The following PCDHA5 variants were observed in gnomAD, a reference collection of about 807,000 sequenced individuals.
PCDHA5 encodes protocadherin alpha-5.
PCDHA5 carries 43 observed loss-of-function variants against 61.6 expected under a neutral mutation model. The ratio of observed to expected loss-of-function variants is 0.70; its 90% CI spans 0.55 to 0.90. PCDHA5 has a LOEUF of 0.90. Ranked by LOEUF, PCDHA5 falls within the 40% of genes least tolerant of loss-of-function variation. The pLI is 0.00. For missense variants in PCDHA5, 1,298 were observed against 1,222.7 expected (o/e 1.06, Z -0.92); for synonymous variants, 627 against 543.9 (o/e 1.15, Z -2.13).
chr5:140,869,144 T>A, intron 1 of PCDHA5: 1 of 1,613,654 alleles, frequency 6.2e-7, no homozygotes, highest in Non-Finnish European at 8.5e-7. Context: ...ACCCCACGAC[T>A]ACAGCTCTGG....
rs1554129608 is a variant in PCDHA5, at chr5:140,823,796, C to G, written c.2021C>G (p.Ala674Gly). ...VLVSLVESGQ[A>G]PKASSRASAG... ...GTGTCGCTGGTGGAAAGTGGCCAGG[C>G]GCCGAAGGCCTCATCGCGGGCGTCG... The change falls in exon 1 of 4, where the codon GCG becomes GGG. Residue 674 changes from alanine to glycine, a missense_variant. By Grantham distance (60) the Ala-to-Gly change is moderately conservative. Transcript: ENST00000529859. 1.2e-6 allele frequency: 2 copies of G among 1,613,670 alleles called. No homozygotes were observed. The highest frequency in any genetic ancestry group is 2.2e-5 in the East Asian group (1 of 44,872).
chr5:140,869,757 A>G, intron 1 of PCDHA5: 3 of 1,613,264 alleles, frequency 1.9e-6, no homozygotes, highest in Non-Finnish European at 2.5e-6. Flanking sequence ...CAGACGGGGG[A>G]AAACCAGAGC....
chr5:140,967,595 G>A, intron 1 of PCDHA5: 1 of 1,614,168 alleles, frequency 6.2e-7, no homozygotes, highest in Non-Finnish European at 8.5e-7. Context: ...CACATTGGTG[G>A]TGAAGCTGAA....
In PCDHA5 at chr5:140,927,984, A is replaced by G. The variant is rs112872627; in HGVS notation, c.2353-50965A>G. 5.7e-5 allele frequency: 92 copies of G among 1,614,218 alleles called. 4 individuals are homozygous for G. In the African/African-American group the frequency reaches 7.1e-4, roughly 12 times the overall value. Reference sequence around the variant, plus strand: ...GCACAGTGATTGCTCTCTTTAGTGTAAAGGATGAAGACCTCGATTCTAATG... The same window carrying G: ...GCACAGTGATTGCTCTCTTTAGTGTGAAGGATGAAGACCTCGATTCTAATG... On this transcript the variant is annotated intron_variant, in intron 1 of 3. Coordinates refer to ENST00000529859, the MANE Select transcript of PCDHA5 (RefSeq NM_018908.3).
At chr5:140,940,636 C>A (rs1554213535) in intron 1 of PCDHA5, among the ~76,000 whole-genome samples, 1 of 152,106 alleles carries the variant, frequency 6.6e-6, no homozygotes. Flanking sequence ...TTAAGCTTGT[C>A]ATTTATTTAT....
At chr5:140,841,736 A>G in intron 1 of PCDHA5, 1 of 1,613,716 alleles carries the variant, frequency 6.2e-7, no homozygotes, top group Non-Finnish European at 8.5e-7. Context: ...AAAAGACCAA[A>G]AGCTGTTTGT....
rs2150469634 is a variant in PCDHA5, at chr5:140,850,145, G to A, written c.2352+26018G>A. 7 of 1,595,444 alleles carry A rather than the reference G, an allele frequency of 4.4e-6. No individual in the cohort carries two copies. The African/African-American group carries it at 5.4e-5, about 12-fold the overall frequency. ...TGCCGCCTCTGGGCAGCAACGTGACGCTGCAGGTGTTCGTGCTGGACGAGA... is the reference window on the plus strand; with the variant it reads ...TGCCGCCTCTGGGCAGCAACGTGACACTGCAGGTGTTCGTGCTGGACGAGA... On this transcript the variant is annotated intron_variant, in intron 1 of 3. Coordinates refer to ENST00000529859, the MANE Select transcript of PCDHA5 (RefSeq NM_018908.3).
chr5:140,946,163 T>C (rs1345991689), intron 1 of PCDHA5, among the ~76,000 whole-genome samples: 1 of 151,884 alleles, frequency 6.6e-6, no homozygotes, highest in African/African-American at 2.4e-5. Flanking sequence ...ATTTAAAAGA[T>C]GGGTAAAGGA....
intron 1 of PCDHA5, chr5:140,877,907 T>G (rs2057390973): frequency 2.1e-6 from 3 of 1,433,442 alleles, no homozygotes; most frequent in Non-Finnish European, 2.8e-6. Context: ...TATAACTACA[T>G]TCTCTCATTT....
At chr5:141,005,826 A>T (rs1283643370) in intron 3 of PCDHA5, among the ~76,000 whole-genome samples, 4 of 151,340 alleles carry the variant, frequency 2.6e-5, no homozygotes, top group Admixed American at 6.6e-5. Flanking sequence ...GGTGGCCTGT[A>T]GTCCCAGCCA....
At chr5:140,881,244 C>T (rs1219638908) in intron 1 of PCDHA5, 9 of 397,012 alleles carry the variant, frequency 2.3e-5, no homozygotes, top group Non-Finnish European at 3.1e-5. Context: ...ATTTAAATGA[C>T]GGCAAGGTTT....
At chr5:140,893,104 T>A (rs2063818844) in intron 1 of PCDHA5, among the ~76,000 whole-genome samples, 1 of 152,224 alleles carries the variant, frequency 6.6e-6, no homozygotes, top group South Asian at 2.1e-4. Flanking sequence ...TGGATAATAT[T>A]CCGTTGTGCA....
chr5:140,928,428 C>T (rs1273911750), intron 1 of PCDHA5: 2 of 1,614,026 alleles, frequency 1.2e-6, no homozygotes, highest in Non-Finnish European at 8.5e-7. Flanking sequence ...CCAAAACTTC[C>T]TTTGACTTTG....
At chr5:141,009,107 G>A (rs1329490009) in intron 3 of PCDHA5, among the ~76,000 whole-genome samples, 6 of 152,180 alleles carry the variant, frequency 3.9e-5, no homozygotes, top group African/African-American at 1.4e-4. Flanking sequence ...ATGTTACTAT[G>A]AAACTAGATT....
chr5:140,972,758 A>G lies in PCDHA5; in HGVS notation c.2353-6191A>G, dbSNP rs563540989. Among the ~76,000 whole-genome samples, 16 of 150,884 alleles carry G rather than the reference A, an allele frequency of 1.1e-4. No individual in the cohort carries two copies. In the South Asian group the frequency reaches 3.4e-3, roughly 32 times the overall value. On this transcript the variant is annotated intron_variant, in intron 1 of 3. Transcript: ENST00000529859. ...GGCTCACTGCAACCTCCGCCTCCCA[A>G]GTTAAAGTGATTCTTCTGCCTCAGC...
intron 1 of PCDHA5, chr5:140,828,292 C>G: frequency 6.2e-7 from 1 of 1,614,100 alleles, no homozygotes; most frequent in Non-Finnish European, 8.5e-7. Flanking sequence ...TCAGGATGGC[C>G]TCCAAAGACC....
chr5:140,917,324 C>CGGGGGGG (rs1299895515), intron 1 of PCDHA5, among the ~76,000 whole-genome samples: 2 of 76,152 alleles, frequency 2.6e-5, no homozygotes, highest in African/African-American at 4.3e-5. Flanking sequence ...GTTCATGTGG[C>CGGGGGGG]GGGGGAGGGG....
At chr5:140,975,675 T>C (rs1047804393) in intron 1 of PCDHA5, among the ~76,000 whole-genome samples, 3 of 152,240 alleles carry the variant, frequency 2.0e-5, no homozygotes, top group Non-Finnish European at 2.9e-5. Context: ...AGTTTATTAA[T>C]AAAATAGGGT....
chr5:140,831,652 T>A (rs2150196590), intron 1 of PCDHA5, among the ~76,000 whole-genome samples: 1 of 151,500 alleles, frequency 6.6e-6, no homozygotes, highest in Non-Finnish European at 1.5e-5. Flanking sequence ...TGTGAGCCAC[T>A]ATGCTTGGCT....
Sources: allele counts gnomAD v4.1 joint callset (sites outside exome capture counted in the v4.1 genomes callset), GRCh38; gene constraint gnomAD v4.1.1; transcripts MANE v1.5; gene names NCBI Gene and HGNC (gene_info 2026-07-23, HGNC 2026-07-21).